EPHA8: variants seen among roughly 807,000 people sequenced by gnomAD.
EPHA8 encodes the protein ephrin type-A receptor 8.
Under a neutral mutation model 103.6 loss-of-function variants are expected in EPHA8, and 58 were observed. That is an observed-to-expected ratio of 0.56 (90% confidence interval 0.45 to 0.70). The LOEUF (loss-of-function observed/expected upper bound fraction) is 0.70. EPHA8 is among the 30% of genes least tolerant of loss of function. The probability of loss-of-function intolerance (pLI) is 0.00; values close to 1 mark genes in which losing one functional copy is unlikely to be tolerated. For missense variants in EPHA8, 1,304 were observed against 1,395.2 expected, an observed-to-expected ratio of 0.93 and a Z score of 1.04; for synonymous variants, 559 against 572.5, an observed-to-expected ratio of 0.98 and a Z score of 0.34.
chr1:22,592,019 G>A (rs1641385835), intron 5 of EPHA8, among the ~76,000 whole-genome samples: 1 of 152,194 alleles, frequency 6.6e-6, no homozygotes, highest in Non-Finnish European at 1.5e-5. Flanking sequence ...GGGCACTGCA[G>A]AGTTCCCGGC....
chr1:22,581,546 T>C (rs1206637573), intron 3 of EPHA8, among the ~76,000 whole-genome samples: 1 of 152,138 alleles, frequency 6.6e-6, no homozygotes, highest in Non-Finnish European at 1.5e-5. Flanking sequence ...AGAGGGGATA[T>C]GTCTTGCCCA....
intron 3 of EPHA8, among the ~76,000 whole-genome samples, chr1:22,578,675 TTG>T (rs570364046): frequency 2.9e-4 from 39 of 135,386 alleles, no homozygotes; most frequent in African/African-American, 1.1e-3. Context: ...ATGTATGCAT[TTG>T]TGCATGAGTG....
rs1640410913 is a variant in EPHA8 at position 22,567,812 on chromosome 1, G to A, written c.95-1477G>A. ...CCTTTAACCCCCGTCACCTGCCCAA[G>A]CCCGCTGATTGGGGTGGTTAAAAGC... On this transcript the variant is annotated intron_variant, in intron 1 of 16. Transcript: ENST00000166244. The surrounding 1 kb of genome is among the most constrained non-coding windows in gnomAD (Gnocchi z 4.2). 6.6e-6 allele frequency among the ~76,000 whole-genome samples: 1 copy of A among 152,192 alleles called. No individual in the cohort carries two copies. Among genetic ancestry groups the A allele is most frequent in the African/African-American group, 2.4e-5 (1 of 41,462 alleles).
intron 3 of EPHA8, among the ~76,000 whole-genome samples, chr1:22,579,370 C>T (rs1640974098): frequency 6.7e-6 from 1 of 148,956 alleles, no homozygotes; most frequent in Non-Finnish European, 1.5e-5. Context: ...TGTATGTGTG[C>T]ATGAGTGTAT....
Position 22,600,164 on chromosome 1 carries a change from GGCAGGAAGGAAGGAAAGAAGGAGGGA to G in EPHA8, c.2389-496_2389-471del, listed in dbSNP as rs1557584250. 9.3e-4 allele frequency among the ~76,000 whole-genome samples: 120 copies of G among 129,206 alleles called. 1 individual carries two copies. The highest frequency in any genetic ancestry group is 3.5e-3 in the African/African-American group (118 of 33,914). 84.8% of individuals were successfully genotyped at this position (129,206 alleles called of 152,430 possible). A position where few individuals can be genotyped will look rare whatever the true frequency, so the allele number is the denominator to read the frequency against. ...GAGGAGGGAGGGAGGGAAGGAGGGA[GGCAGGAAGGAAGGAAAGAAGGAGGGA>G]AGGAAAGGAGGGAGGGAGGAAGGTG... On this transcript the variant is annotated intron_variant, in intron 13 of 16. Coordinates refer to ENST00000166244, the MANE Select transcript of EPHA8 (RefSeq NM_020526.5).
In EPHA8 at chr1:22,601,108, G is replaced by T; in HGVS notation, c.2729+20G>T. The T allele has an allele frequency of 6.3e-7, 1 of 1,588,100 alleles. No homozygotes were observed. ...CAGCAGGTGCCTTGTGCCCACCCCA[G>T]CTCCTTGAGGCCCAGCTGCCTCCCA... is the stretch of plus-strand genomic sequence containing the variant. On this transcript the variant is annotated intron_variant, in intron 15 of 16. Transcript: ENST00000166244.
At chr1:22,586,418 G>C in intron 3 of EPHA8, 62 bp from the exon 4 acceptor site, 1 of 1,575,800 alleles carries the variant, frequency 6.3e-7, no homozygotes. Flanking sequence ...CAGTGTGAGC[G>C]GTCCCCAAGG....
chr1:22,570,319 CAT>C (rs67177255), intron 2 of EPHA8, among the ~76,000 whole-genome samples: 2,964 of 121,600 alleles, frequency 0.024, 50 homozygotes, highest in South Asian at 0.053. Flanking sequence ...CGTGTACACA[CAT>C]GCACACACGC....
rs1342425373 is a variant in EPHA8 at position 22,567,191 on chromosome 1, G to A, written c.95-2098G>A. On this transcript the variant is annotated intron_variant, in intron 1 of 16. Coordinates refer to ENST00000166244, the MANE Select transcript of EPHA8 (RefSeq NM_020526.5). The surrounding 1 kb of genome is among the most constrained non-coding windows in gnomAD (Gnocchi z 4.2). Reference sequence around the variant, plus strand: ...TAGGGACAGGTCTGGGCTGCATCCAGGCCAGGTCACAGAAGGGGCCCAGTC... The same window carrying A: ...TAGGGACAGGTCTGGGCTGCATCCAAGCCAGGTCACAGAAGGGGCCCAGTC... Among the ~76,000 whole-genome samples the A allele has an allele frequency of 6.6e-6, 1 of 152,170 alleles. No individual in the cohort carries two copies. Among genetic ancestry groups the A allele is most frequent in the African/African-American group, 2.4e-5 (1 of 41,436 alleles).
In EPHA8 at chr1:22,569,346, C is replaced by T; in HGVS notation, c.152C>T (p.Ala51Val). Residue 51 changes from alanine to valine, a missense_variant, in exon 2 of 17, where the codon GCT (alanine) becomes GTT (valine). Coordinates refer to ENST00000166244, the MANE Select transcript of EPHA8 (RefSeq NM_020526.5). This position sits in a 1 kb window ranked among gnomAD's most constrained non-coding sequence, Gnocchi z 4.5. ...HGDWGWLTYP[A>V]HGWDSINEVD... ...GACTGGGGCTGGCTCACGTATCCGGCTCATGGGGTGAGTGATGGGCACTGG... is the reference window on the plus strand; with the variant it reads ...GACTGGGGCTGGCTCACGTATCCGGTTCATGGGGTGAGTGATGGGCACTGG... 6.3e-7 allele frequency: 1 copy of T among 1,596,186 alleles called. No individual in the cohort carries two copies. The highest frequency in any genetic ancestry group is 8.5e-7 in the Non-Finnish European group (1 of 1,171,626).
chr1:22,596,835 T>G (rs1157135704), intron 9 of EPHA8, among the ~76,000 whole-genome samples: 1 of 152,044 alleles, frequency 6.6e-6, no homozygotes, highest in Non-Finnish European at 1.5e-5. Context: ...ATTTTTGTAT[T>G]TTTAGTAGAA....
Position 22,599,017 on chromosome 1 carries a change from GGA to G in EPHA8, c.2359_2360del (p.Asp787ArgfsTer113). 1.2e-6 allele frequency: 2 copies of G among 1,609,696 alleles called. No homozygotes were observed. The highest frequency in any genetic ancestry group is 8.5e-7 in the Non-Finnish European group (1 of 1,178,642). On this transcript the variant is annotated frameshift_variant, in exon 13 of 17. Coordinates refer to ENST00000166244, the MANE Select transcript of EPHA8 (RefSeq NM_020526.5). LOFTEE classifies it high-confidence loss of function. ...ACTTCGGGCTCTCACGGGTGCTGGA[GGA>G]CGACCCGGATGCTGCCTACACCACC... Reference protein sequence around the residue: ...SDFGLSRVLEDDPDAAYTTTG... With the variant: ...SDFGLSRVLEXDPDAAYTTTG...
In EPHA8 at chr1:22,600,680, G is replaced by T. The variant is rs368283503; in HGVS notation, c.2408G>T (p.Arg803Leu). 1 of 1,613,334 alleles carries T rather than the reference G, an allele frequency of 6.2e-7. No homozygotes were observed. The highest frequency in any genetic ancestry group is 2.2e-5 in the East Asian group (1 of 44,876). ...YTTTGGKIPIRWTAPEAIAFR... is the reference protein window; with the variant it reads ...YTTTGGKIPILWTAPEAIAFR... ...TCGCAGGGCGGGAAGATCCCCATCC[G>T]CTGGACGGCCCCAGAGGCCATCGCC... The change falls in exon 14 of 17, where the codon CGC becomes CTC. Residue 803 changes from arginine (R) to leucine (L), a missense_variant. Coordinates refer to ENST00000166244, the MANE Select transcript of EPHA8 (RefSeq NM_020526.5).
chr1:22,595,255 T>C lies in EPHA8; in HGVS notation c.1629T>C (p.Ile543=), dbSNP rs751666192. The change falls in exon 8 of 17, where the codon ATT becomes ATC. Residue 543 remains isoleucine (I), a synonymous_variant. Transcript: ENST00000166244. ...KPRPRYDTRT[I]VWICLTLITG... is the part of the protein sequence containing the mutation. ...GGCCCCGCTATGACACCAGGACCATTGTCTGGATCTGCCTGACGCTCATCA... is the reference window on the plus strand; with the variant it reads ...GGCCCCGCTATGACACCAGGACCATCGTCTGGATCTGCCTGACGCTCATCA... The C allele has an allele frequency of 6.2e-7, 1 of 1,613,540 alleles. No homozygotes were observed. The highest frequency in any genetic ancestry group is 2.2e-5 in the East Asian group (1 of 44,844).
chr1:22,573,293 T>G (rs1640593916), intron 2 of EPHA8, among the ~76,000 whole-genome samples: 1 of 152,162 alleles, frequency 6.6e-6, no homozygotes. Context: ...ATTAGGGCCA[T>G]TCGTCAAGGG....
intron 3 of EPHA8, among the ~76,000 whole-genome samples, chr1:22,582,488 G>A (rs1258293765): frequency 1.3e-5 from 2 of 151,860 alleles, no homozygotes; most frequent in Non-Finnish European, 2.9e-5. Flanking sequence ...AGGTCACATG[G>A]CTCTTTAGAG....
chr1:22,595,268 C>G lies in EPHA8; in HGVS notation c.1642C>G (p.Leu548Val). Residue 548 changes from leucine (L) to valine (V), a missense_variant, in exon 8 of 17, where the codon CTG becomes GTG. Coordinates refer to ENST00000166244, the MANE Select transcript of EPHA8 (RefSeq NM_020526.5). Reference protein sequence around the residue: ...YDTRTIVWICLTLITGLVVLL... With the variant: ...YDTRTIVWICVTLITGLVVLL... Reference sequence around the variant, plus strand: ...CACCAGGACCATTGTCTGGATCTGCCTGACGCTCATCACGGGCCTGGTGGT... The same window carrying G: ...CACCAGGACCATTGTCTGGATCTGCGTGACGCTCATCACGGGCCTGGTGGT... 1 of 1,613,928 alleles carries G rather than the reference C, an allele frequency of 6.2e-7. No individual in the cohort carries two copies. The highest frequency in any genetic ancestry group is 2.2e-5 in the East Asian group (1 of 44,872).
At chr1:22,583,923 G>A (rs934398029) in intron 3 of EPHA8, among the ~76,000 whole-genome samples, 11 of 152,314 alleles carry the variant, frequency 7.2e-5, no homozygotes, top group African/African-American at 2.4e-4. Flanking sequence ...TTGCCTGTCC[G>A]TCTGCCAATG....
intron 7 of EPHA8, 70 bp downstream of exon 7, chr1:22,593,756 G>T: frequency 6.9e-7 from 1 of 1,449,414 alleles, no homozygotes. Flanking sequence ...GGGGGTGGCC[G>T]AGGAGAGAGC....
Sources: gnomAD v4.1 joint callset for allele counts (sites outside exome capture counted in the v4.1 genomes callset) on GRCh38, gnomAD v4.1.1 for gene constraint, Gnocchi (gnomAD v3.1) non-coding constraint, MANE v1.5 for transcripts, NCBI Gene and HGNC (gene_info 2026-07-23, HGNC 2026-07-21) for gene names.